The following TASP1 variants were observed in gnomAD, a reference collection of about 807,000 sequenced individuals.
TASP1 encodes taspase 1.
TASP1 carries 16 observed loss-of-function variants against 56.6 expected under a neutral mutation model. The observed-to-expected ratio is 0.28, with a 90% CI of 0.19 to 0.43. The LOEUF is 0.43. Among genes scored for constraint, TASP1 ranks in the 20% least tolerant of loss-of-function variants. TASP1 has a pLI of 1.00. For missense variants in TASP1, 393 were observed against 511.6 expected, an observed-to-expected ratio of 0.77 and a Z score of 2.24; for synonymous variants, 179 against 184.2, an observed-to-expected ratio of 0.97 and a Z score of 0.23.
chr20:13,301,090 T>C, the TASP1 span, among the ~76,000 whole-genome samples: 2 of 152,224 alleles, frequency 1.3e-5, no homozygotes, highest in Non-Finnish European at 2.9e-5. Flanking sequence ...CTGTAGCACA[T>C]TTTTGAAGTC....
chr20:13,618,137 C>T (rs534413945), intron 4 of TASP1, among the ~76,000 whole-genome samples: 26 of 152,160 alleles, frequency 1.7e-4, no homozygotes, highest in African/African-American at 5.8e-4. Context: ...TAGCTGGGCA[C>T]GGTGGCTCAC....
intron 13 of TASP1, 74 bp downstream of exon 13, chr20:13,417,373 AC>A (rs2146065307): frequency 6.6e-7 from 1 of 1,515,548 alleles, no homozygotes. Flanking sequence ...AAATTCATCC[AC>A]ATCAACTTAG....
intron 11 of TASP1, among the ~76,000 whole-genome samples, chr20:13,478,883 T>TA (rs1413499861): frequency 4.6e-5 from 7 of 152,142 alleles, no homozygotes; most frequent in Non-Finnish European, 1.0e-4. Context: ...AGTAAAATGA[T>TA]ACAGACAAAA....
chr20:13,269,938 T>C, the TASP1 span, among the ~76,000 whole-genome samples: 1 of 151,074 alleles, frequency 6.6e-6, no homozygotes, highest in Admixed American at 6.6e-5. Context: ...GGTGGAAGGA[T>C]GGATGGATGG....
At chr20:13,595,398 G>A (rs2147312728) in intron 4 of TASP1, among the ~76,000 whole-genome samples, 1 of 152,264 alleles carries the variant, frequency 6.6e-6, no homozygotes, top group Middle Eastern at 3.4e-3. Flanking sequence ...ATGTAAATGG[G>A]CTAAATGCCC....
intron 4 of TASP1, among the ~76,000 whole-genome samples, chr20:13,608,062 G>A (rs1412722296): frequency 6.6e-6 from 1 of 152,194 alleles, no homozygotes; most frequent in East Asian, 1.9e-4. Context: ...TGGGGAAAAA[G>A]CTTTCGAAAT....
intron 11 of TASP1, among the ~76,000 whole-genome samples, chr20:13,446,357 G>A (rs2043411569): frequency 6.6e-6 from 1 of 152,090 alleles, no homozygotes; most frequent in South Asian, 2.1e-4. Context: ...GTATTCCGCT[G>A]ATTGTTAACA....
the TASP1 span, chr20:13,368,182 A>G: frequency 6.6e-6 from 1 of 152,222 alleles, no homozygotes; most frequent in African/African-American, 2.4e-5. Flanking sequence ...TTAAGAACAG[A>G]AACTCCCAGG....
At chr20:13,500,933 G>A (rs1403927070) in intron 10 of TASP1, among the ~76,000 whole-genome samples, 4 of 151,886 alleles carry the variant, frequency 2.6e-5, no homozygotes, top group African/African-American at 9.7e-5. Flanking sequence ...TCACATTTAA[G>A]GACACCATAG....
At chr20:13,170,473 C>T in the TASP1 span, among the ~76,000 whole-genome samples, 2 of 152,086 alleles carry the variant, frequency 1.3e-5, no homozygotes. Flanking sequence ...ATCCTGTGGT[C>T]CAAATGGGAG....
At chr20:13,116,971 T>C in the TASP1 span, among the ~76,000 whole-genome samples, 2 of 152,334 alleles carry the variant, frequency 1.3e-5, no homozygotes, top group South Asian at 4.1e-4. Flanking sequence ...AAGTGGGTAT[T>C]GAACAAGAGG....
At chr20:13,588,295 A>G (rs2047388353) in intron 4 of TASP1, among the ~76,000 whole-genome samples, 5 of 131,522 alleles carry the variant, frequency 3.8e-5, no homozygotes, top group African/African-American at 1.5e-4. Flanking sequence ...GGAAGGAAGG[A>G]AGGAAGGAAG....
chr20:13,614,329 T>TA (rs540108969), intron 4 of TASP1, among the ~76,000 whole-genome samples: 85 of 146,086 alleles, frequency 5.8e-4, no homozygotes, highest in South Asian at 3.0e-3. Context: ...ATACTTCATT[T>TA]AAAAAAAAAA....
At chr20:13,156,405 T>C in the TASP1 span, among the ~76,000 whole-genome samples, 3 of 152,204 alleles carry the variant, frequency 2.0e-5, no homozygotes, top group East Asian at 1.9e-4. Context: ...CTATGAACGA[T>C]ATGCTTCATA....
chr20:13,402,857 C>T (rs1244532358), intron 13 of TASP1, among the ~76,000 whole-genome samples: 2 of 152,150 alleles, frequency 1.3e-5, no homozygotes, highest in Non-Finnish European at 2.9e-5. Context: ...GCCCAGTGCT[C>T]AGTGGAATAC....
At chr20:13,109,881 G>A in the TASP1 span, among the ~76,000 whole-genome samples, 1 of 152,152 alleles carries the variant, frequency 6.6e-6, no homozygotes, top group Non-Finnish European at 1.5e-5. Context: ...ATGCCCCACT[G>A]GTGAGAGTTT....
chr20:13,195,041 C>G, the TASP1 span, among the ~76,000 whole-genome samples: 1 of 152,042 alleles, frequency 6.6e-6, no homozygotes, highest in Admixed American at 6.6e-5. Flanking sequence ...AGGACAGGAC[C>G]CCATGAAACT....
At chr20:13,156,668 T>C in the TASP1 span, among the ~76,000 whole-genome samples, 1 of 152,218 alleles carries the variant, frequency 6.6e-6, no homozygotes, top group African/African-American at 2.4e-5. Flanking sequence ...TCATTATTAA[T>C]AGCATCAATT....
At chr20:13,520,726 G>A (rs1330855165) in intron 10 of TASP1, among the ~76,000 whole-genome samples, 2 of 152,148 alleles carry the variant, frequency 1.3e-5, no homozygotes, top group African/African-American at 4.8e-5. Context: ...AGGACTTCAT[G>A]TCTAAAACAC....
Sources: allele counts gnomAD v4.1 joint callset (sites outside exome capture counted in the v4.1 genomes callset), GRCh38; gene constraint gnomAD v4.1.1; transcripts MANE v1.5; gene names NCBI Gene and HGNC (gene_info 2026-07-23, HGNC 2026-07-21).